PCDH15: variants seen among roughly 807,000 people sequenced by gnomAD.
PCDH15 encodes protocadherin-15.
In PCDH15, 129 loss-of-function variants were observed where a neutral mutation model predicts 178.5. The ratio of observed to expected loss-of-function variants is 0.72; its 90% CI spans 0.63 to 0.84. The LOEUF is 0.84. PCDH15 is among the 40% of genes least tolerant of loss of function. The pLI, the probability that PCDH15 is intolerant of heterozygous loss-of-function variation, is 0.00. For synonymous variants in PCDH15, 800 were observed against 732.0 expected (o/e 1.09, Z -1.50); for missense variants, 2,230 against 2,099.9 (o/e 1.06, Z -1.21).
At chr10:54,498,533 T>G (rs866341203) in intron 3 of PCDH15, among the ~76,000 whole-genome samples, 4 of 152,132 alleles carry the variant, frequency 2.6e-5, no homozygotes, top group Admixed American at 1.3e-4. Context: ...GTATGCTATC[T>G]TCAACAGAAC....
intron 26 of PCDH15, among the ~76,000 whole-genome samples, chr10:53,872,782 C>G (rs1297643733): frequency 2.0e-5 from 3 of 152,168 alleles, no homozygotes; most frequent in Non-Finnish European, 4.4e-5. Context: ...TCAGTCTTCT[C>G]CAGAGATAAG....
intron 17 of PCDH15, among the ~76,000 whole-genome samples, chr10:54,079,004 G>T (rs928149822): frequency 2.6e-5 from 4 of 152,100 alleles, no homozygotes; most frequent in East Asian, 1.9e-4. Context: ...ATAATAAACT[G>T]CCAGAACACA....
At chr10:54,398,112 C>T (rs1189724094) in intron 3 of PCDH15, among the ~76,000 whole-genome samples, 5 of 151,852 alleles carry the variant, frequency 3.3e-5, no homozygotes, top group Non-Finnish European at 7.4e-5. Flanking sequence ...AACTATATGA[C>T]TATCAGACTT....
chr10:54,366,476 A>G (rs1946809609), intron 5 of PCDH15, among the ~76,000 whole-genome samples: 1 of 152,046 alleles, frequency 6.6e-6, no homozygotes, highest in South Asian at 2.1e-4. Context: ...AGATAGGGAT[A>G]TCTATTTATA....
chr10:53,811,499 TAATAA>T (rs2075863408), intron 36 of PCDH15, 45 bp downstream of exon 36: 3 of 1,099,148 alleles, frequency 2.7e-6, no homozygotes, highest in Non-Finnish European at 2.5e-6. Context: ...AATTTCCTAT[TAATAA>T]AATATTAAAA....
chr10:54,597,380 A>G (rs956689785), intron 2 of PCDH15, among the ~76,000 whole-genome samples: 32 of 152,182 alleles, frequency 2.1e-4, no homozygotes, highest in Non-Finnish European at 4.3e-4. Context: ...GCAGAAATCA[A>G]GAAGTATTTT....
At chr10:54,802,727 T>A (rs1040619213), upstream of PCDH15, among the ~76,000 whole-genome samples, 1 of 152,220 alleles carries the variant, frequency 6.6e-6, no homozygotes, top group Non-Finnish European at 1.5e-5. Flanking sequence ...ATTTGTTGAA[T>A]AGAGCAGCTG....
chr10:54,490,431 C>T (rs899350929), intron 3 of PCDH15, among the ~76,000 whole-genome samples: 10 of 151,876 alleles, frequency 6.6e-5, no homozygotes, highest in Admixed American at 5.9e-4. Context: ...GCCTGGGTGA[C>T]AGAGCAAGAC....
At chr10:54,932,129 T>TA (rs1488266913) in intron 2 of PCDH15, among the ~76,000 whole-genome samples, 1 of 152,222 alleles carries the variant, frequency 6.6e-6, no homozygotes, top group Non-Finnish European at 1.5e-5. Context: ...AGTGTACTTC[T>TA]ACTTATAAAA....
At chr10:55,559,317 A>C (rs1278331374) in intron 2 of PCDH15, among the ~76,000 whole-genome samples, 1 of 152,076 alleles carries the variant, frequency 6.6e-6, no homozygotes, top group Non-Finnish European at 1.5e-5. Context: ...TTTTGAAAAG[A>C]AGTGTTGTAT....
intron 15 of PCDH15, among the ~76,000 whole-genome samples, chr10:54,103,205 A>T (rs1375743549): frequency 6.6e-6 from 1 of 152,136 alleles, no homozygotes; most frequent in African/African-American, 2.4e-5. Context: ...TTCTACATAG[A>T]AGTTTTCTGC....
At chr10:54,492,955 G>A (rs906077529) in intron 3 of PCDH15, among the ~76,000 whole-genome samples, 2 of 152,090 alleles carry the variant, frequency 1.3e-5, no homozygotes, top group African/African-American at 4.8e-5. Context: ...GCAAGGAGGA[G>A]CAAGACATGT....
At chr10:54,441,928 T>C (rs1457438065) in intron 3 of PCDH15, among the ~76,000 whole-genome samples, 1 of 151,842 alleles carries the variant, frequency 6.6e-6, no homozygotes, top group Middle Eastern at 3.4e-3. Context: ...GTTCAAGAGA[T>C]GAAACCACAT....
intron 14 of PCDH15, among the ~76,000 whole-genome samples, chr10:54,149,095 A>G (rs1269534256): frequency 6.6e-6 from 1 of 152,116 alleles, no homozygotes; most frequent in African/African-American, 2.4e-5. Flanking sequence ...GAGGCTGTGC[A>G]AATAGGGTCA....
At chr10:54,312,523 T>C (rs958922640) in intron 8 of PCDH15, among the ~76,000 whole-genome samples, 1 of 152,106 alleles carries the variant, frequency 6.6e-6, no homozygotes, top group African/African-American at 2.4e-5. Context: ...ATTCCATAGC[T>C]AATTTATGAA....
At chr10:54,168,110 CTTA>C (rs1432140832) in intron 13 of PCDH15, among the ~76,000 whole-genome samples, 3 of 152,074 alleles carry the variant, frequency 2.0e-5, no homozygotes, top group Non-Finnish European at 4.4e-5. Flanking sequence ...ACCTAAATGC[CTTA>C]TTTTCTTCTG....
At chr10:55,258,351 A>G (rs2132232138) in intron 1 of PCDH15, among the ~76,000 whole-genome samples, 1 of 152,314 alleles carries the variant, frequency 6.6e-6, no homozygotes, top group Non-Finnish European at 1.5e-5. Context: ...CCCTAATGGA[A>G]GAATCATGGG....
At chr10:54,595,188 C>T (rs746743385) in intron 2 of PCDH15, among the ~76,000 whole-genome samples, 87 of 152,190 alleles carry the variant, frequency 5.7e-4, no homozygotes, top group Non-Finnish European at 1.1e-3. Flanking sequence ...AATGCTTTGG[C>T]TGGGAGTAGC....
intron 1 of PCDH15, among the ~76,000 whole-genome samples, chr10:55,179,940 T>G (rs926789221): frequency 4.6e-5 from 7 of 152,000 alleles, no homozygotes; most frequent in African/African-American, 1.2e-4. Context: ...AAACTGTGCA[T>G]AGATGTGCCT....
Sources: allele counts gnomAD v4.1 joint callset (sites outside exome capture counted in the v4.1 genomes callset), GRCh38; gene constraint gnomAD v4.1.1; transcripts MANE v1.5; gene names NCBI Gene and HGNC (gene_info 2026-07-23, HGNC 2026-07-21).